Variants in CTTNBP2 observed in about 807,000 individuals in gnomAD.
CTTNBP2 encodes the protein cortactin binding protein 2.
CTTNBP2 carries 108 observed loss-of-function variants against 156.9 expected under a neutral mutation model. The ratio of observed to expected loss-of-function variants is 0.69; its 90% CI spans 0.59 to 0.81. The LOEUF (loss-of-function observed/expected upper bound fraction) is 0.81. Ranked by LOEUF, CTTNBP2 falls within the 30% of genes least tolerant of loss-of-function variation. The pLI, the probability that CTTNBP2 is intolerant of heterozygous loss-of-function variation, is 0.00. For synonymous variants in CTTNBP2, 767 were observed against 751.8 expected (o/e 1.02, Z -0.33); for missense variants, 1,924 against 2,035.4 (o/e 0.95, Z 1.05).
intron 16 of CTTNBP2, among the ~76,000 whole-genome samples, chr7:117,732,442 A>T (rs909121745): frequency 3.3e-5 from 5 of 151,886 alleles, no homozygotes; most frequent in Admixed American, 3.3e-4. Context: ...TGAGGTCAGG[A>T]GATCGAGACC....
At chr7:117,821,762 G>C (rs555188187) in intron 2 of CTTNBP2, among the ~76,000 whole-genome samples, 3 of 151,620 alleles carry the variant, frequency 2.0e-5, no homozygotes, top group Non-Finnish European at 4.4e-5. Flanking sequence ...CTAATTTTTT[G>C]TGTGTTTTTA....
intron 2 of CTTNBP2, among the ~76,000 whole-genome samples, chr7:117,824,970 A>C (rs1584496536): frequency 6.6e-6 from 1 of 152,058 alleles, no homozygotes; most frequent in South Asian, 2.1e-4. Context: ...TGTTTACTCC[A>C]TCCTTGGACC....
rs900546733 is a variant in CTTNBP2 at position 117,734,805 on chromosome 7, T to C, written c.3876+108A>G. On this transcript the variant is annotated intron_variant, in intron 16 of 22. Coordinates refer to ENST00000160373, the MANE Select transcript of CTTNBP2 (RefSeq NM_033427.3). ...TTGGCCCTTGAATGTCAAAAAGCTGTACCTGCCCAAGGCTGCATAGTTAGT... is the reference window on the plus strand; with the variant it reads ...TTGGCCCTTGAATGTCAAAAAGCTGCACCTGCCCAAGGCTGCATAGTTAGT... The C allele has an allele frequency of 5.1e-6, 4 of 784,352 alleles. No individual in the cohort carries two copies. In the African/African-American group the frequency reaches 5.3e-5, roughly 10 times the overall value. The allele number at this position is 784,352 out of a possible 1,614,324, so 48.6% of individuals were successfully genotyped here.
At chr7:117,771,176 G>C (rs1380272813) in intron 8 of CTTNBP2, among the ~76,000 whole-genome samples, 1 of 152,124 alleles carries the variant, frequency 6.6e-6, no homozygotes, top group Admixed American at 6.6e-5. Context: ...GGAAGTGCCA[G>C]GCTCCTTTAG....
chr7:117,787,167 A>C (rs1798745575), intron 4 of CTTNBP2, among the ~76,000 whole-genome samples: 1 of 152,224 alleles, frequency 6.6e-6, no homozygotes, highest in Non-Finnish European at 1.5e-5. Context: ...AATTCCCGAC[A>C]ATCATAAAAA....
At chr7:117,776,546 C>T (rs1584984932) in intron 8 of CTTNBP2, among the ~76,000 whole-genome samples, 1 of 152,168 alleles carries the variant, frequency 6.6e-6, no homozygotes, top group South Asian at 2.1e-4. Context: ...ATCCACCTCC[C>T]TACTTCCATG....
Position 117,873,265 on chromosome 7 carries a change from G to C in CTTNBP2, c.81+70C>G. 11 of 1,192,198 alleles carry C rather than the reference G, an allele frequency of 9.2e-6. No individual in the cohort carries two copies. In the South Asian group the frequency reaches 2.7e-4, roughly 30 times the overall value. The allele number at this position is 1,192,198 out of a possible 1,614,324, so 73.9% of individuals were successfully genotyped here. On this transcript the variant is annotated intron_variant, in intron 1 of 22. Transcript: ENST00000160373. ...CCCCGGGGGTGCGAAGTCGGGTCCG[G>C]CTGGGACCCCGGCGCCGCCCCCGGC...
At chr7:117,762,970 C>T (rs557128241) in intron 9 of CTTNBP2, among the ~76,000 whole-genome samples, 23 of 152,216 alleles carry the variant, frequency 1.5e-4, no homozygotes, top group Non-Finnish European at 2.5e-4. Flanking sequence ...ATCCACATAG[C>T]TGCCCTGTTC....
intron 2 of CTTNBP2, among the ~76,000 whole-genome samples, chr7:117,852,289 A>G (rs1802975540): frequency 6.6e-6 from 1 of 151,740 alleles, no homozygotes; most frequent in African/African-American, 2.4e-5. Flanking sequence ...TGTTTTGCAT[A>G]TACAAAACCA....
chr7:117,716,009 A>T (rs1794335270), intron 22 of CTTNBP2: 2 of 150,604 alleles, frequency 1.3e-5, no homozygotes, highest in Admixed American at 6.6e-5. Flanking sequence ...ACTTTCTGAG[A>T]AAAACATCAT....
At chr7:117,758,464 C>T (rs1797009785) in intron 10 of CTTNBP2, among the ~76,000 whole-genome samples, 1 of 151,794 alleles carries the variant, frequency 6.6e-6, no homozygotes, top group Non-Finnish European at 1.5e-5. Context: ...GGCCTTCTCC[C>T]ATTGCGGGCC....
At chr7:117,860,345 TTTTTC>T (rs1252636129) in intron 2 of CTTNBP2, among the ~76,000 whole-genome samples, 1 of 151,966 alleles carries the variant, frequency 6.6e-6, no homozygotes, top group Non-Finnish European at 1.5e-5. Context: ...TTTCTTTTCT[TTTTTC>T]TTTTTTTTTT....
At chr7:117,759,009 C>T (rs1180543638) in intron 10 of CTTNBP2, among the ~76,000 whole-genome samples, 1 of 152,178 alleles carries the variant, frequency 6.6e-6, no homozygotes, top group African/African-American at 2.4e-5. Flanking sequence ...TTATCAGACC[C>T]TGGGCCAGAA....
intron 14 of CTTNBP2, among the ~76,000 whole-genome samples, chr7:117,741,592 G>A (rs755895948): frequency 2.2e-4 from 34 of 152,202 alleles, no homozygotes; most frequent in Non-Finnish European, 3.8e-4. Flanking sequence ...CCAAACCACA[G>A]TCATGTGATA....
chr7:117,717,606 A>T (rs1195697281), intron 22 of CTTNBP2, among the ~76,000 whole-genome samples: 5 of 152,064 alleles, frequency 3.3e-5, no homozygotes, highest in African/African-American at 1.2e-4. Context: ...CATTACCCAC[A>T]CACTGACCAC....
chr7:117,717,997 T>G (rs1308861111), intron 22 of CTTNBP2, 21 bp downstream of exon 22: 3 of 1,409,290 alleles, frequency 2.1e-6, no homozygotes, highest in African/African-American at 2.8e-5. Context: ...TTGTTCACTT[T>G]GGGGAGAAAG....
At chr7:117,738,118 C>T (rs1245612006) in intron 14 of CTTNBP2, among the ~76,000 whole-genome samples, 1 of 152,214 alleles carries the variant, frequency 6.6e-6, no homozygotes, top group African/African-American at 2.4e-5. Context: ...CATCTTCATC[C>T]TGAGCTGCAG....
Position 117,711,637 on chromosome 7 carries a change from C to A in CTTNBP2, c.4892G>T (p.Ser1631Ile), listed in dbSNP as rs1316606735. The A allele has an allele frequency of 6.2e-7, 1 of 1,614,010 alleles. No homozygotes were observed. Among genetic ancestry groups the A allele is most frequent in the Non-Finnish European group, 8.5e-7 (1 of 1,179,968 alleles). The change falls in exon 23 of 23, where the codon AGC becomes ATC. Residue 1631 changes from serine to isoleucine, a missense_variant. Ser to Ile is a moderately radical substitution (Grantham distance 142). Coordinates refer to ENST00000160373, the MANE Select transcript of CTTNBP2 (RefSeq NM_033427.3). ...TQCSQNTKRS[S>I]SSSNTRQIEI... ...TATTTGCCTTGTATTACTGCTGCTG[C>A]TGCTTCTTTTGGTGTTCTGGGAACA...
In CTTNBP2 at chr7:117,791,375, G is replaced by C. The variant is rs150921296; in HGVS notation, c.1821C>G (p.Ser607=). The C allele has an allele frequency of 6.2e-7, 1 of 1,614,150 alleles. No homozygotes were observed. Residue 607 remains serine (S), a synonymous_variant, in exon 4 of 23, where the codon TCC becomes TCG. Coordinates refer to ENST00000160373, the MANE Select transcript of CTTNBP2 (RefSeq NM_033427.3). ...ATGGTTTTGGTGGCAGCTGAGGGGA[G>C]GATGACTTAGGAAGGTTCTCCTCAT... ...VINEENLPKS[S]SPQLPPKPSI...
Sources: gnomAD v4.1 joint callset for allele counts (sites outside exome capture counted in the v4.1 genomes callset) on GRCh38, gnomAD v4.1.1 for gene constraint, MANE v1.5 for transcripts, NCBI Gene and HGNC (gene_info 2026-07-23, HGNC 2026-07-21) for gene names.